FNBP4: variants seen among roughly 807,000 people sequenced by gnomAD.
FNBP4 encodes the protein formin binding protein 4, also known as formin-binding protein 4.
FNBP4 carries 34 observed loss-of-function variants against 119.3 expected under a neutral mutation model. The observed-to-expected ratio is 0.28, with a 90% CI of 0.22 to 0.38. The LOEUF (loss-of-function observed/expected upper bound fraction) is 0.38, where lower values mean the gene tolerates loss of function less well. Ranked by LOEUF, FNBP4 falls within the 10% of genes least tolerant of loss-of-function variation. The pLI, the probability that FNBP4 is intolerant of heterozygous loss-of-function variation, is 1.00. For missense variants in FNBP4, 1,112 were observed against 1,228.9 expected (o/e 0.90, Z 1.42); for synonymous variants, 462 against 430.6 (o/e 1.07, Z -0.90).
intron 12 of FNBP4, among the ~76,000 whole-genome samples, chr11:47,728,449 C>G (rs1472858151): frequency 6.6e-6 from 1 of 151,548 alleles, no homozygotes; most frequent in Non-Finnish European, 1.5e-5. Flanking sequence ...AGGGTGATAC[C>G]ATGTTGGCTG....
In FNBP4 at chr11:47,746,006, A is replaced by C. The variant is rs75420567; in HGVS notation, c.1245+50T>G. On this transcript the variant is annotated intron_variant, in intron 7 of 16. Transcript: ENST00000263773. ...GTAAGTCAAGCACAATGATCCCTGT[A>C]GAGTAGTACTGAGGAAAAAACATTC... 1,919 of 1,412,136 alleles carry C rather than the reference A, an allele frequency of 1.4e-3. 25 individuals are homozygous for C. The African/African-American group carries it at 0.026, about 19-fold the overall frequency. The allele number at this position is 1,412,136 out of a possible 1,614,324, so 87.5% of individuals were successfully genotyped here.
At chr11:47,717,858 C>T (rs2097551394) in intron 16 of FNBP4, among the ~76,000 whole-genome samples, 1 of 152,034 alleles carries the variant, frequency 6.6e-6, no homozygotes, top group East Asian at 1.9e-4. Context: ...AAGCGATTCT[C>T]CTGCCTCAGC....
chr11:47,723,962 G>T, intron 14 of FNBP4, 66 bp downstream of exon 14: 2 of 1,412,624 alleles, frequency 1.4e-6, no homozygotes, highest in South Asian at 1.3e-5. Flanking sequence ...TAGTTTTTAT[G>T]GCATCTAATG....
rs188527260 is a variant in FNBP4, at chr11:47,751,050, T to A, written c.786-14A>T. On this transcript the variant is annotated splice_polypyrimidine_tract_variant and intron_variant, in intron 5 of 16. Transcript: ENST00000263773. ...CCTGGCACAGAACTAAAAAAATATA[T>A]ACTTAGCAAGAGAAATATAAGACAA... 6.2e-7 allele frequency: 1 copy of A among 1,612,700 alleles called. No individual in the cohort carries two copies. Among genetic ancestry groups the A allele is most frequent in the Non-Finnish European group, 8.5e-7 (1 of 1,179,614 alleles).
chr11:47,752,799 G>A, intron 4 of FNBP4, 117 bp downstream of exon 4: 2 of 972,402 alleles, frequency 2.1e-6, no homozygotes, highest in Middle Eastern at 3.3e-4. Context: ...GGGCGACAGA[G>A]CGAGATTCCA....
intron 14 of FNBP4, 149 bp downstream of exon 14, chr11:47,723,879 G>GTTTTT: frequency 8.9e-6 from 5 of 558,914 alleles, no homozygotes; most frequent in South Asian, 3.5e-5. Context: ...ACTGTCAAAA[G>GTTTTT]TTTTTTTTTT....
intron 2 of FNBP4, among the ~76,000 whole-genome samples, chr11:47,761,055 C>A (rs2097633207): frequency 6.6e-6 from 1 of 151,976 alleles, no homozygotes; most frequent in Non-Finnish European, 1.5e-5. Flanking sequence ...AGTGGACTGG[C>A]AAAGCAAATC....
intron 6 of FNBP4, among the ~76,000 whole-genome samples, chr11:47,750,164 A>C (rs1014853810): frequency 1.3e-5 from 2 of 151,848 alleles, no homozygotes; most frequent in Non-Finnish European, 2.9e-5. Context: ...AGATCACCTG[A>C]GGTCAGGAGT....
At chr11:47,765,155 G>A (rs909352135) in intron 2 of FNBP4, 115 bp downstream of exon 2, 4 of 655,336 alleles carry the variant, frequency 6.1e-6, no homozygotes, top group African/African-American at 3.7e-5. Flanking sequence ...ATATTTTTGG[G>A]AGAAATAATG....
intron 1 of FNBP4, among the ~76,000 whole-genome samples, chr11:47,766,728 C>T (rs1237588407): frequency 6.6e-6 from 1 of 152,276 alleles, no homozygotes; most frequent in Non-Finnish European, 1.5e-5. Flanking sequence ...ACAGGCCGCG[C>T]ACGCGGAAAC....
At chr11:47,760,313 A>G (rs7931221) in intron 2 of FNBP4, among the ~76,000 whole-genome samples, 18,147 of 149,952 alleles carry the variant, frequency 0.12, 1,223 homozygotes, top group Non-Finnish European at 0.15. Context: ...CCAGGGTGAA[A>G]TGTAATCACA....
intron 6 of FNBP4, among the ~76,000 whole-genome samples, chr11:47,750,706 A>G (rs542766585): frequency 2.1e-3 from 307 of 147,122 alleles, no homozygotes; most frequent in Middle Eastern, 0.014. Context: ...AAAAAAAAAA[A>G]AAAAAAAAAA....
chr11:47,724,955 T>A, intron 12 of FNBP4, 177 bp from the exon 13 acceptor site: 1 of 866,906 alleles, frequency 1.2e-6, no homozygotes, highest in Non-Finnish European at 1.7e-6. Context: ...GAAAAAAATT[T>A]GGCCCACAGG....
chr11:47,765,411 A>G (rs983551076), intron 1 of FNBP4, 49 bp from the exon 2 acceptor site: 97 of 1,348,574 alleles, frequency 7.2e-5, no homozygotes, highest in Non-Finnish European at 9.1e-5. Context: ...AAAGAAAAGA[A>G]AAGAAAACTG....
rs2097649590 is a variant in FNBP4 at position 47,767,209 on chromosome 11, G to A, written c.80C>T (p.Pro27Leu). Residue 27 changes from proline to leucine, a missense_variant, in exon 1 of 17, where the codon CCG becomes CTG. Pro to Leu is a moderately conservative substitution (Grantham distance 98, BLOSUM62 -3). Coordinates refer to ENST00000263773, the MANE Select transcript of FNBP4 (RefSeq NM_015308.5). ...GGGTTCCGGCTCCGGGTCCCGGCCCGGCGTGCTGCCCCGAGGACCCGGCGG... is the reference window on the plus strand; with the variant it reads ...GGGTTCCGGCTCCGGGTCCCGGCCCAGCGTGCTGCCCCGAGGACCCGGCGG... ...LSPPGPRGST[P>L]GRDPEPEPDT... 6.4e-7 allele frequency: 1 copy of A among 1,566,190 alleles called. No individual in the cohort carries two copies. Among genetic ancestry groups the A allele is most frequent in the African/African-American group, 1.4e-5 (1 of 73,118 alleles).
At chr11:47,736,586 T>C (rs1355476044) in intron 9 of FNBP4, 30 bp downstream of exon 9, 1 of 1,519,288 alleles carries the variant, frequency 6.6e-7, no homozygotes, top group East Asian at 2.3e-5. Flanking sequence ...TAATAAAAAT[T>C]TGTCAAGTTG....
chr11:47,757,559 T>C (rs990179461), intron 2 of FNBP4, among the ~76,000 whole-genome samples: 29 of 148,816 alleles, frequency 1.9e-4, no homozygotes, highest in African/African-American at 6.5e-4. Flanking sequence ...AGTGGCGCAA[T>C]CTTGGCTCAT....
chr11:47,719,854 ACAACCTACTCCATCTCATAGTAGGTCT>A (rs2097553665), intron 16 of FNBP4, 48 bp downstream of exon 16: 1 of 1,492,036 alleles, frequency 6.7e-7, no homozygotes, highest in Non-Finnish European at 9.1e-7. Flanking sequence ...TATAACAACC[ACAACCTACTCCATCTCATAGTAGGTCT>A]CAACCTACTC....
chr11:47,737,671 C>G (rs189959551), intron 8 of FNBP4, among the ~76,000 whole-genome samples: 130 of 151,072 alleles, frequency 8.6e-4, no homozygotes, highest in African/African-American at 3.1e-3. Flanking sequence ...AACTCCTGGA[C>G]TCACGCAATC....
Sources: allele counts gnomAD v4.1 joint callset (sites outside exome capture counted in the v4.1 genomes callset), GRCh38; gene constraint gnomAD v4.1.1; transcripts MANE v1.5; gene names NCBI Gene and HGNC (gene_info 2026-07-23, HGNC 2026-07-21).